Variants in FOLH1 observed in about 807,000 individuals in gnomAD.
FOLH1 encodes folate hydrolase 1.
FOLH1 carries 54 observed loss-of-function variants against 93.9 expected under a neutral mutation model. The observed-to-expected ratio is 0.57, with a 90% confidence interval of 0.46 to 0.72. The LOEUF is 0.72. FOLH1 is among the 30% of genes least tolerant of loss of function. The pLI is 0.00. For synonymous variants in FOLH1, 249 were observed against 303.6 expected (o/e 0.82, Z 1.87); for missense variants, 571 against 892.5 (o/e 0.64, Z 4.59).
In FOLH1 at chr11:49,206,315, T is replaced by A. The variant is rs1208834678; in HGVS notation, c.119-143A>T. On this transcript the variant is annotated intron_variant, in intron 1 of 18. Transcript: ENST00000256999. ...AGGTGAGATATTTCTGAATTTTAAT[T>A]TCTCTTGCCTACTTTCACTGAAAAA... 1.2e-5 allele frequency: 14 copies of A among 1,200,278 alleles called. No homozygotes were observed. The Admixed American group carries it at 2.8e-4, about 24-fold the overall frequency. The allele number at this position is 1,200,278 out of a possible 1,614,324, so 74.4% of individuals were successfully genotyped here.
At position 49,157,945 on chromosome 11, in the gene FOLH1, T is replaced by C. The variant is rs1857199967; in HGVS notation, c.1532+7A>G. The C allele has an allele frequency of 6.4e-7, 1 of 1,571,912 alleles. No homozygotes were observed. Among genetic ancestry groups the C allele is most frequent in the Non-Finnish European group, 8.6e-7 (1 of 1,157,824 alleles). ...GAATTCAGTGGAAACTTCATTCATT[T>C]GTTTACCTGGGCATGCCACTGAACT... is the stretch of plus-strand genomic sequence containing the variant. On this transcript the variant is annotated splice_region_variant and intron_variant, in intron 14 of 18. Coordinates refer to ENST00000256999, the MANE Select transcript of FOLH1 (RefSeq NM_004476.3).
intron 12 of FOLH1, among the ~76,000 whole-genome samples, chr11:49,167,482 C>G (rs987591426): frequency 6.6e-6 from 1 of 152,114 alleles, no homozygotes; most frequent in African/African-American, 2.4e-5. Context: ...ACTGTGTAAA[C>G]TAACTTTCAG....
At chr11:49,205,152 T>G (rs1330497571) in intron 2 of FOLH1, among the ~76,000 whole-genome samples, 1 of 151,508 alleles carries the variant, frequency 6.6e-6, no homozygotes, top group East Asian at 1.9e-4. Flanking sequence ...TACAGTGAGC[T>G]GAGATCACGC....
chr11:49,208,392 G>C lies in FOLH1; in HGVS notation c.18C>G (p.His6Gln), dbSNP rs775836030. MWNLL[H>Q]ETDSAVATAR... ...CGGTGGCCACAGCCGAGTCGGTTTCGTGAAGGAGATTCCACATCTCGGCGC... is the reference window on the plus strand; with the variant it reads ...CGGTGGCCACAGCCGAGTCGGTTTCCTGAAGGAGATTCCACATCTCGGCGC... Residue 6 changes from histidine to glutamine, a missense_variant, in exon 1 of 19, where the codon CAC becomes CAG. Physicochemically the swap from His to Gln is conservative, Grantham distance 24. Transcript: ENST00000256999. 32 of 1,601,908 alleles carry C rather than the reference G, an allele frequency of 2.0e-5. No homozygotes were observed. Among genetic ancestry groups the C allele is most frequent in the African/African-American group, 2.7e-5 (2 of 74,282 alleles).
At chr11:49,147,986 C>A (rs1855979860) in intron 18 of FOLH1, among the ~76,000 whole-genome samples, 1 of 151,868 alleles carries the variant, frequency 6.6e-6, no homozygotes, top group Non-Finnish European at 1.5e-5. Context: ...GTGATCTGAT[C>A]CAGTCAACCT....
At chr11:49,198,801 G>A (rs202685) in intron 3 of FOLH1, among the ~76,000 whole-genome samples, 48,459 of 147,074 alleles carry the variant, frequency 0.33, 6,504 homozygotes, top group African/African-American at 0.5. Flanking sequence ...TCCTTTTAAG[G>A]TGGAGTCTTG....
At chr11:49,164,610 AG>A (rs1858134636) in intron 13 of FOLH1, 94 bp downstream of exon 13, 1 of 802,072 alleles carries the variant, frequency 1.2e-6, no homozygotes, top group East Asian at 2.7e-5. Context: ...AATGAAGACA[AG>A]AAGTTATAAA....
In FOLH1 at chr11:49,174,085, G is replaced by A. The variant is rs182410197; in HGVS notation, c.1106-609C>T. The stretch of plus-strand genomic sequence containing the variant: ...TCACAAACTGTCAGTTGTTTGTCTT[G>A]GGTCTGTGTCTTCTTTTATCTCCCC... On this transcript the variant is annotated intron_variant, in intron 9 of 18. Coordinates refer to ENST00000256999, the MANE Select transcript of FOLH1 (RefSeq NM_004476.3). 3.2e-3 allele frequency among the ~76,000 whole-genome samples: 491 copies of A among 152,144 alleles called. 3 individuals are homozygous for A. Among genetic ancestry groups the A allele is most frequent in the Middle Eastern group, 6.8e-3 (2 of 292 alleles).
chr11:49,164,580 A>G, intron 13 of FOLH1, 125 bp downstream of exon 13: 2 of 645,312 alleles, frequency 3.1e-6, no homozygotes. Flanking sequence ...TGAAGATGTG[A>G]TGTCATATAT....
chr11:49,183,288 T>C (rs1861000522), intron 6 of FOLH1, 46 bp from the exon 7 acceptor site: 1 of 1,422,420 alleles, frequency 7.0e-7, no homozygotes. Flanking sequence ...TCAGTTTCAT[T>C]CAAACGGTTC....
At chr11:49,155,535 T>G (rs1298700935) in intron 15 of FOLH1, 1 of 236,066 alleles carries the variant, frequency 4.2e-6, no homozygotes, top group Non-Finnish European at 8.5e-6. Flanking sequence ...TTCCTTACCA[T>G]TTTTATAACT....
At chr11:49,208,181 C>T (rs2067689610) in intron 1 of FOLH1, 111 bp downstream of exon 1, 2 of 793,760 alleles carry the variant, frequency 2.5e-6, no homozygotes, top group Non-Finnish European at 4.0e-6. Flanking sequence ...CTAATCGCCG[C>T]CCCTGGGGAA....
chr11:49,179,335 T>C (rs1431658558), intron 7 of FOLH1, among the ~76,000 whole-genome samples: 1 of 152,218 alleles, frequency 6.6e-6, no homozygotes, highest in Admixed American at 6.5e-5. Context: ...ATCACGTCTG[T>C]AAAACGAGCC....
chr11:49,204,512 C>T (rs1032459791), intron 2 of FOLH1, among the ~76,000 whole-genome samples: 10 of 152,084 alleles, frequency 6.6e-5, no homozygotes, highest in Non-Finnish European at 1.3e-4. Flanking sequence ...AAAGACCATA[C>T]CTTGCCAGAC....
At chr11:49,188,512 C>CAA (rs149444698) in intron 4 of FOLH1, among the ~76,000 whole-genome samples, 22,915 of 130,604 alleles carry the variant, frequency 0.18, 2,392 homozygotes, top group African/African-American at 0.29. Context: ...GACTTGGTCT[C>CAA]AAAAAAAAAA....
At chr11:49,207,564 G>A (rs1034469012) in intron 1 of FOLH1, among the ~76,000 whole-genome samples, 2 of 152,092 alleles carry the variant, frequency 1.3e-5, no homozygotes, top group Non-Finnish European at 2.9e-5. Context: ...GGTAAAAGAA[G>A]AAATAAAGTG....
chr11:49,169,082 G>C, intron 12 of FOLH1, 113 bp downstream of exon 12: 2 of 1,211,710 alleles, frequency 1.7e-6, no homozygotes, highest in South Asian at 2.8e-5. Context: ...GGTTGCAGTA[G>C]ATTCCCTAAC....
chr11:49,176,578 T>A (rs1181881483), intron 7 of FOLH1, among the ~76,000 whole-genome samples: 1 of 152,148 alleles, frequency 6.6e-6, no homozygotes, highest in Non-Finnish European at 1.5e-5. Context: ...TCTTGTAGTT[T>A]CACTTCAACA....
intron 7 of FOLH1, among the ~76,000 whole-genome samples, chr11:49,182,328 C>CAAAAAAAAA: frequency 1.7e-5 from 1 of 59,974 alleles, no homozygotes. Flanking sequence ...GACACTGTCT[C>CAAAAAAAAA]AAAAAAAAAA....
Sources: gnomAD v4.1 joint callset for allele counts (sites outside exome capture counted in the v4.1 genomes callset) on GRCh38, gnomAD v4.1.1 for gene constraint, MANE v1.5 for transcripts, NCBI Gene and HGNC (gene_info 2026-07-23, HGNC 2026-07-21) for gene names.